The following SLC14A2 variants were observed in gnomAD, a reference collection of about 807,000 sequenced individuals.
SLC14A2 encodes urea transporter 2.
Under a neutral mutation model 104.6 loss-of-function variants are expected in SLC14A2, and 91 were observed. That is an observed-to-expected ratio of 0.87 (90% CI 0.73 to 1.04). The LOEUF is 1.04. Ranked by LOEUF, SLC14A2 falls within the 50% of genes least tolerant of loss-of-function variation. SLC14A2 has a pLI of 0.00. For synonymous variants in SLC14A2, 476 were observed against 466.4 expected (o/e 1.02, Z -0.27); for missense variants, 1,189 against 1,156.0 (o/e 1.03, Z -0.41).
chr18:45,275,788 A>G (rs1280401425), intron 1 of SLC14A2, among the ~76,000 whole-genome samples: 1 of 152,226 alleles, frequency 6.6e-6, no homozygotes, highest in Non-Finnish European at 1.5e-5. Flanking sequence ...GTTGTTTACT[A>G]TTTGGAGATC....
intron 1 of SLC14A2, among the ~76,000 whole-genome samples, chr18:45,269,989 A>G (rs1599630796): frequency 6.6e-6 from 1 of 152,144 alleles, no homozygotes. Flanking sequence ...TACTTCTCCT[A>G]TAGTTTGAGG....
chr18:45,421,380 A>T (rs975261632), intron 1 of SLC14A2, among the ~76,000 whole-genome samples: 3 of 152,090 alleles, frequency 2.0e-5, no homozygotes, highest in African/African-American at 7.2e-5. Flanking sequence ...ATTTAAATAA[A>T]TTATAACTAC....
chr18:45,626,857 G>A, intron 3 of SLC14A2, 101 bp from the exon 4 acceptor site: 1 of 921,648 alleles, frequency 1.1e-6, no homozygotes, highest in South Asian at 1.6e-5. Context: ...GAAGGGTCCT[G>A]GCTTGCACAT....
At chr18:45,288,286 G>A (rs555507971) in intron 1 of SLC14A2, among the ~76,000 whole-genome samples, 17 of 152,258 alleles carry the variant, frequency 1.1e-4, no homozygotes, top group Admixed American at 9.2e-4. Context: ...GATTAATCCT[G>A]TGCTTCAGGA....
the SLC14A2 span, among the ~76,000 whole-genome samples, chr18:45,177,322 C>G: frequency 2.6e-5 from 4 of 152,118 alleles, no homozygotes; most frequent in Non-Finnish European, 4.4e-5. Flanking sequence ...ATCTGAAGAC[C>G]AATTCTAGCA....
chr18:45,673,395 C>T (rs1552329), intron 17 of SLC14A2, among the ~76,000 whole-genome samples: 18,013 of 152,228 alleles, frequency 0.12, 1,293 homozygotes, highest in East Asian at 0.31. Flanking sequence ...GAGAGGTTCT[C>T]TTTCTTGGCA....
chr18:45,523,474 C>T (rs1783849275), intron 2 of SLC14A2, among the ~76,000 whole-genome samples: 1 of 150,558 alleles, frequency 6.6e-6, no homozygotes, highest in African/African-American at 2.4e-5. Flanking sequence ...GGATTCCAGG[C>T]ACATACAACC....
At chr18:45,297,648 G>T (rs1265550679) in intron 1 of SLC14A2, among the ~76,000 whole-genome samples, 1 of 145,298 alleles carries the variant, frequency 6.9e-6, no homozygotes, top group Non-Finnish European at 1.5e-5. Context: ...CAACAGGATT[G>T]CTGGGATGGC....
At chr18:45,292,232 T>C (rs947925341) in intron 1 of SLC14A2, among the ~76,000 whole-genome samples, 1 of 152,204 alleles carries the variant, frequency 6.6e-6, no homozygotes, top group African/African-American at 2.4e-5. Flanking sequence ...TGCTAATCCC[T>C]ATAGCTGGCA....
intron 1 of SLC14A2, among the ~76,000 whole-genome samples, chr18:45,349,817 C>G (rs2085485027): frequency 6.6e-6 from 1 of 152,158 alleles, no homozygotes; most frequent in Non-Finnish European, 1.5e-5. Context: ...CATAACTTAG[C>G]TAAATGAAAA....
intron 2 of SLC14A2, among the ~76,000 whole-genome samples, chr18:45,494,870 G>T (rs1346324768): frequency 6.6e-6 from 1 of 150,924 alleles, no homozygotes; most frequent in Non-Finnish European, 1.5e-5. Context: ...GTCTAAGGAA[G>T]CCAGAGCTTT....
intron 1 of SLC14A2, among the ~76,000 whole-genome samples, chr18:45,289,759 G>A (rs930942697): frequency 6.6e-6 from 1 of 152,184 alleles, no homozygotes; most frequent in African/African-American, 2.4e-5. Context: ...GAAATGTTAA[G>A]TCCCAAAGAC....
At chr18:45,405,774 C>T (rs2086147602) in intron 1 of SLC14A2, among the ~76,000 whole-genome samples, 1 of 151,912 alleles carries the variant, frequency 6.6e-6, no homozygotes, top group Non-Finnish European at 1.5e-5. Flanking sequence ...TGGCACACAC[C>T]TGTAATCCCA....
chr18:45,491,015 A>C (rs1385878631), intron 2 of SLC14A2, among the ~76,000 whole-genome samples: 1 of 152,232 alleles, frequency 6.6e-6, no homozygotes, highest in African/African-American at 2.4e-5. Context: ...AGGAAGTCCA[A>C]ATTGTTTTTA....
chr18:45,232,826 G>A (rs1469823122), intron 1 of SLC14A2, among the ~76,000 whole-genome samples: 1 of 152,216 alleles, frequency 6.6e-6, no homozygotes, highest in Non-Finnish European at 1.5e-5. Context: ...CCCATTTTGA[G>A]GCACATTCGT....
rs201191840 is a variant in SLC14A2 at position 45,389,055 on chromosome 18, T to C, written c.-124-94178T>C. On this transcript the variant is annotated intron_variant, in intron 1 of 20. Transcript: ENST00000586448. ...TTAACCCTTTGAGAGGCAAAACCTT[T>C]TGATTTCAAATCATTTTGATGTAAA... Among the ~76,000 whole-genome samples, 73 of 152,360 alleles carry C rather than the reference T, an allele frequency of 4.8e-4. 1 individual carries two copies. In the East Asian group the frequency reaches 0.013, roughly 26 times the overall value.
chr18:45,201,066 G>A, the SLC14A2 span, among the ~76,000 whole-genome samples: 1 of 152,018 alleles, frequency 6.6e-6, no homozygotes, highest in South Asian at 2.1e-4. Flanking sequence ...AGGATTATGG[G>A]TGAGGTATTC....
At chr18:45,307,404 TGA>T (rs1412929377) in intron 1 of SLC14A2, among the ~76,000 whole-genome samples, 11 of 118,870 alleles carry the variant, frequency 9.3e-5, no homozygotes, top group Admixed American at 2.1e-4. Context: ...GGTGACAGAG[TGA>T]GACTCCATCT....
At chr18:45,371,962 G>A (rs2085727650) in intron 1 of SLC14A2, among the ~76,000 whole-genome samples, 1 of 152,182 alleles carries the variant, frequency 6.6e-6, no homozygotes, top group Non-Finnish European at 1.5e-5. Context: ...TACCTACTTA[G>A]ATAAGGCCTT....
Sources: gnomAD v4.1 joint callset for allele counts (sites outside exome capture counted in the v4.1 genomes callset) on GRCh38, gnomAD v4.1.1 for gene constraint, MANE v1.5 for transcripts, NCBI Gene and HGNC (gene_info 2026-07-23, HGNC 2026-07-21) for gene names.